Variants in STARD13 observed in about 807,000 individuals in gnomAD.
The protein encoded by STARD13 is stAR-related lipid transfer protein 13.
In STARD13, 62 loss-of-function variants were observed where a neutral mutation model predicts 106.4. The observed-to-expected ratio is 0.58, with a 90% CI of 0.48 to 0.72. STARD13 has a LOEUF of 0.72. Ranked by LOEUF, STARD13 falls within the 30% of genes least tolerant of loss-of-function variation. The pLI is 0.00. For synonymous variants in STARD13, 565 were observed against 553.0 expected (o/e 1.02, Z -0.31); for missense variants, 1,387 against 1,424.0 (o/e 0.97, Z 0.42).
At chr13:33,632,352 G>T in the STARD13 span, among the ~76,000 whole-genome samples, 1 of 152,092 alleles carries the variant, frequency 6.6e-6, no homozygotes, top group Non-Finnish European at 1.5e-5. Context: ...ATTTTATGTA[G>T]AACCTTGTGA....
At chr13:33,119,083 G>A (rs999557821) in intron 7 of STARD13, among the ~76,000 whole-genome samples, 1 of 151,920 alleles carries the variant, frequency 6.6e-6, no homozygotes, top group Admixed American at 6.6e-5. Context: ...GAGAATGAGT[G>A]AGGCAGAGCA....
At chr13:33,523,403 G>A in the STARD13 span, among the ~76,000 whole-genome samples, 1 of 152,024 alleles carries the variant, frequency 6.6e-6, no homozygotes, top group Non-Finnish European at 1.5e-5. Flanking sequence ...CTGTCAGAAG[G>A]ACACATGATG....
At chr13:33,219,058 A>G (rs1160250964) in intron 1 of STARD13, among the ~76,000 whole-genome samples, 3 of 152,200 alleles carry the variant, frequency 2.0e-5, no homozygotes, top group Non-Finnish European at 4.4e-5. Context: ...AATCGTGTTT[A>G]CTATATCTAT....
chr13:33,158,957 T>TA lies in STARD13; in HGVS notation c.323+6379dup, dbSNP rs1183734529. Among the ~76,000 whole-genome samples, 3 of 152,358 alleles carry TA rather than the reference T, an allele frequency of 2.0e-5. No homozygotes were observed. In the East Asian group the frequency reaches 5.8e-4, roughly 29 times the overall value. Reference sequence around the variant, plus strand: ...TGGCCTCTGTTCTACACACAGCTCCTACGCCCTGAGAATCTCAGTTCGCAC... The same window carrying TA: ...TGGCCTCTGTTCTACACACAGCTCCTAACGCCCTGAGAATCTCAGTTCGCAC... On this transcript the variant is annotated intron_variant, in intron 3 of 13. Transcript: ENST00000336934.
At position 33,105,488 on chromosome 13, in the gene STARD13, C is replaced by T. The variant is rs1294162518; in HGVS notation, c.*105G>A. ...CGTTTCCATTTTTAGGCATTAACCG[C>T]GTCCTTCAGTTCCTCTTTCTCTCGC... On this transcript the variant is annotated 3_prime_UTR_variant, in exon 14 of 14. Coordinates refer to ENST00000336934, the MANE Select transcript of STARD13 (RefSeq NM_178006.4). The T allele has an allele frequency of 7.7e-6, 6 of 781,334 alleles. No individual in the cohort carries two copies. The highest frequency in any genetic ancestry group is 1.7e-5 in the South Asian group (1 of 60,554). 48.4% of individuals were successfully genotyped at this position (781,334 alleles called of 1,614,324 possible).
At chr13:33,566,973 T>G in the STARD13 span, among the ~76,000 whole-genome samples, 2 of 148,332 alleles carry the variant, frequency 1.3e-5, 1 homozygote, top group Admixed American at 1.4e-4. Context: ...GTTCAGTAAT[T>G]TCTTACTCCT....
chr13:33,569,071 C>T, the STARD13 span, among the ~76,000 whole-genome samples: 1 of 147,978 alleles, frequency 6.8e-6, no homozygotes, highest in African/African-American at 2.5e-5. Flanking sequence ...AACACCAAGG[C>T]AGAGTTTACT....
the STARD13 span, among the ~76,000 whole-genome samples, chr13:33,578,820 C>T: frequency 2.6e-5 from 4 of 151,870 alleles, no homozygotes; most frequent in Non-Finnish European, 5.9e-5. Context: ...CAAATAGTCT[C>T]ATCAAAAAGT....
the STARD13 span, among the ~76,000 whole-genome samples, chr13:33,507,976 G>C: frequency 2.6e-5 from 4 of 152,252 alleles, no homozygotes; most frequent in Middle Eastern, 0.01. Context: ...AAATCCACAC[G>C]TAAGTGGGCC....
chr13:33,435,789 A>C, the STARD13 span, among the ~76,000 whole-genome samples: 1 of 152,130 alleles, frequency 6.6e-6, no homozygotes, highest in Non-Finnish European at 1.5e-5. Flanking sequence ...AATAATGTTC[A>C]ACAGACACTT....
the STARD13 span, among the ~76,000 whole-genome samples, chr13:33,631,363 C>T: frequency 2.0e-5 from 3 of 152,164 alleles, no homozygotes; most frequent in African/African-American, 7.2e-5. Flanking sequence ...CAAAATTGTC[C>T]GGAGTATTCA....
the STARD13 span, among the ~76,000 whole-genome samples, chr13:33,429,931 G>C: frequency 6.7e-6 from 1 of 149,372 alleles, no homozygotes; most frequent in Non-Finnish European, 1.5e-5. Context: ...TTTTTTTGGG[G>C]GGGGGGGACG....
chr13:33,356,343 T>C, the STARD13 span, among the ~76,000 whole-genome samples: 25 of 152,232 alleles, frequency 1.6e-4, no homozygotes, highest in Non-Finnish European at 3.4e-4. Flanking sequence ...ATAGAGTAGT[T>C]TGAGACCTCA....
the STARD13 span, among the ~76,000 whole-genome samples, chr13:33,379,350 A>G: frequency 1.3e-5 from 2 of 152,236 alleles, no homozygotes; most frequent in African/African-American, 4.8e-5. Flanking sequence ...CATAAAAGCC[A>G]TATAACAATA....
At chr13:33,488,753 C>G in the STARD13 span, among the ~76,000 whole-genome samples, 2 of 152,252 alleles carry the variant, frequency 1.3e-5, no homozygotes, top group African/African-American at 4.8e-5. Flanking sequence ...TCCTATCTAT[C>G]TTTCAAGTTC....
the STARD13 span, among the ~76,000 whole-genome samples, chr13:33,546,111 A>G: frequency 6.6e-6 from 1 of 152,202 alleles, no homozygotes; most frequent in Non-Finnish European, 1.5e-5. Flanking sequence ...TTTACTTTCA[A>G]CCAAGAATTG....
intron 1 of STARD13, among the ~76,000 whole-genome samples, chr13:33,184,040 G>T (rs1414336550): frequency 6.6e-6 from 1 of 152,146 alleles, no homozygotes; most frequent in African/African-American, 2.4e-5. Flanking sequence ...AGTTTTTTGG[G>T]GCACTGAACT....
chr13:33,133,406 T>A (rs1446773140), intron 4 of STARD13, among the ~76,000 whole-genome samples: 1 of 152,192 alleles, frequency 6.6e-6, no homozygotes, highest in Non-Finnish European at 1.5e-5. Context: ...GTATTTAGGT[T>A]GTTTGAACCA....
intron 3 of STARD13, among the ~76,000 whole-genome samples, chr13:33,162,548 C>T (rs984408009): frequency 2.0e-5 from 3 of 152,198 alleles, no homozygotes; most frequent in African/African-American, 7.2e-5. Context: ...TTAACAGCAC[C>T]CAAGTCACCT....
Sources: allele counts gnomAD v4.1 joint callset (sites outside exome capture counted in the v4.1 genomes callset), GRCh38; gene constraint gnomAD v4.1.1; transcripts MANE v1.5; gene names NCBI Gene and HGNC (gene_info 2026-07-23, HGNC 2026-07-21).